Variants in TEX15 observed in about 807,000 individuals in gnomAD.
TEX15 encodes testis expressed 15, meiosis and synapsis associated.
TEX15 carries 171 observed loss-of-function variants against 237.3 expected under a neutral mutation model. That is an observed-to-expected ratio of 0.72 (90% CI 0.64 to 0.82). TEX15 has a LOEUF of 0.82. TEX15 is among the 40% of genes least tolerant of loss of function. TEX15 has a pLI of 0.00. For synonymous variants in TEX15, 1,338 were observed against 1,269.8 expected, an observed-to-expected ratio of 1.05 and a Z score of -1.14; for missense variants, 3,750 against 3,646.5, an observed-to-expected ratio of 1.03 and a Z score of -0.73.
chr8:30,862,461 G>A (rs1585295357), intron 5 of TEX15, among the ~76,000 whole-genome samples: 2 of 152,158 alleles, frequency 1.3e-5, no homozygotes, highest in African/African-American at 4.8e-5. Context: ...ATACCTGCAT[G>A]TCTATATACA....
In TEX15 at chr8:30,894,749, A is replaced by C. The variant is rs76847747; in HGVS notation, c.-10+3993T>G. ...ATTAAAGATAAGAGTTAAAACTATC[A>C]AACTGTTAGAAAACAAAAAACATAA... On this transcript the variant is annotated intron_variant, in intron 2 of 10. Transcript: ENST00000643185. 1.1e-3 allele frequency among the ~76,000 whole-genome samples: 174 copies of C among 152,378 alleles called. 3 individuals carry two copies. The East Asian group carries it at 0.02, about 18-fold the overall frequency.
intron 4 of TEX15, among the ~76,000 whole-genome samples, chr8:30,870,300 T>C (rs1217161366): frequency 1.3e-5 from 2 of 152,076 alleles, no homozygotes; most frequent in Non-Finnish European, 2.9e-5. Context: ...TGTGCTACCA[T>C]ACTGTCTCAT....
In TEX15 at chr8:30,842,920, A is replaced by G; in HGVS notation, c.7247T>C (p.Ile2416Thr). ...TAAAACATTTTCTTCTGTGATAAAA[A>G]TATTATCCATGTTATTATCTTGTAG... ...QMLQDNNMDN[I>T]FITEENVLDV... The change falls in exon 8 of 11, where the codon ATT (isoleucine) becomes ACT (threonine). Residue 2416 changes from isoleucine to threonine, a missense_variant. Physicochemically the swap from Ile to Thr is moderately conservative, Grantham distance 89. Transcript: ENST00000643185. 6.2e-7 allele frequency: 1 copy of G among 1,609,604 alleles called. No homozygotes were observed. Among genetic ancestry groups the G allele is most frequent in the Non-Finnish European group, 8.5e-7 (1 of 1,177,610 alleles).
rs368217917 is a variant in TEX15, at chr8:30,842,223, A to G, written c.7944T>C (p.Ile2648=). The G allele has an allele frequency of 8.7e-6, 14 of 1,612,652 alleles. No homozygotes were observed. In the African/African-American group the frequency reaches 1.7e-4, roughly 20 times the overall value. The stretch of plus-strand genomic sequence containing the variant: ...TTTTTTCTTTTCTCTTCAGCTGTAA[A>G]ATCTTCCTTCTGTTATACAGCATTT... ...LCQMLYNRRK[I]LQLKRKEKMN... is the part of the protein sequence containing the mutation. The change falls in exon 8 of 11, where the codon ATT becomes ATC. Residue 2648 remains isoleucine, a synonymous_variant. Coordinates refer to ENST00000643185, the MANE Select transcript of TEX15 (RefSeq NM_001350162.2).
chr8:30,888,917 A>G (rs1377900191), intron 2 of TEX15, among the ~76,000 whole-genome samples: 1 of 152,178 alleles, frequency 6.6e-6, no homozygotes, highest in Non-Finnish European at 1.5e-5. Flanking sequence ...ATGACAGACA[A>G]TAGTGGGGTA....
chr8:30,905,855 G>A (rs1054565128), intron 1 of TEX15, among the ~76,000 whole-genome samples: 1 of 150,640 alleles, frequency 6.6e-6, no homozygotes, highest in Admixed American at 6.6e-5. Flanking sequence ...AATGAGCCTT[G>A]TGATCATGCC....
rs1339436907 is a variant in TEX15 at position 30,843,064 on chromosome 8, T to G, written c.7103A>C (p.Asp2368Ala). 1 of 1,613,474 alleles carries G rather than the reference T, an allele frequency of 6.2e-7. No homozygotes were observed. The highest frequency in any genetic ancestry group is 2.2e-5 in the East Asian group (1 of 44,830). ...KFNSNLLAHP[D>A]ICCISEILDQ... The stretch of plus-strand genomic sequence containing the variant: ...CAATATCTCACTAATACAACAAATA[T>G]CTGGGTGTGCAAGCAAATTACTGTT... The change falls in exon 8 of 11, where the codon GAT becomes GCT. Residue 2368 changes from aspartate (D) to alanine (A), a missense_variant. Physicochemically the swap from Asp to Ala is moderately radical, Grantham distance 126. Transcript: ENST00000643185.
At chr8:30,912,044 G>A (rs897051632) in intron 1 of TEX15, among the ~76,000 whole-genome samples, 2 of 152,214 alleles carry the variant, frequency 1.3e-5, no homozygotes, top group Admixed American at 6.5e-5. Flanking sequence ...GGGACACGCG[G>A]CACCGCATCC....
Position 30,844,229 on chromosome 8 carries a change from A to G in TEX15, c.5938T>C (p.Tyr1980His). Residue 1980 changes from tyrosine (Y) to histidine (H), a missense_variant, in exon 8 of 11, where the codon TAC (tyrosine) becomes CAC (histidine). Physicochemically the swap from Tyr to His is moderately conservative, Grantham distance 83. Coordinates refer to ENST00000643185, the MANE Select transcript of TEX15 (RefSeq NM_001350162.2). Reference protein sequence around the residue: ...VPTLLKKPASYVSDFKEKHCS... With the variant: ...VPTLLKKPASHVSDFKEKHCS... ...TGTTTTTCTTTAAAATCACTCACGT[A>G]TGACGCAGGTTTCTTCAGAAGAGTA... 1 of 1,612,194 alleles carries G rather than the reference A, an allele frequency of 6.2e-7. No homozygotes were observed.
intron 2 of TEX15, among the ~76,000 whole-genome samples, chr8:30,893,246 G>A (rs1349843949): frequency 6.6e-6 from 1 of 152,114 alleles, no homozygotes; most frequent in African/African-American, 2.4e-5. Flanking sequence ...AGCTAGGAAG[G>A]GCAGAATCTG....
chr8:30,888,566 A>AGCTGGATTTC (rs1808715363), intron 2 of TEX15: 9 of 1,219,602 alleles, frequency 7.4e-6, no homozygotes, highest in Non-Finnish European at 9.7e-6. Flanking sequence ...GTAGAACTCA[A>AGCTGGATTTC]GCTGGATTTC....
Position 30,846,724 on chromosome 8 carries a change from G to A in TEX15, c.3443C>T (p.Thr1148Ile), listed in dbSNP as rs201042879. The change falls in exon 8 of 11, where the codon ACC (threonine) becomes ATC (isoleucine). Residue 1148 changes from threonine to isoleucine, a missense_variant. Physicochemically the swap from Thr to Ile is moderately conservative, Grantham distance 89. Coordinates refer to ENST00000643185, the MANE Select transcript of TEX15 (RefSeq NM_001350162.2). ...TAGATCTGGAAGTAAAATTGGGCTG[G>A]TAAGTTCTGTTTCATTGTTTTGTGT... is the stretch of plus-strand genomic sequence containing the variant. Reference protein sequence around the residue: ...SSTQNNETELTSPILLPDLQI... With the variant: ...SSTQNNETELISPILLPDLQI... The A allele has an allele frequency of 6.2e-7, 1 of 1,613,586 alleles. No homozygotes were observed. The highest frequency in any genetic ancestry group is 1.1e-5 in the South Asian group (1 of 91,002).
intron 6 of TEX15, among the ~76,000 whole-genome samples, chr8:30,859,644 AGTT>A (rs1585293594): frequency 6.6e-6 from 1 of 152,190 alleles, no homozygotes; most frequent in East Asian, 1.9e-4. Context: ...TTAAATGAGA[AGTT>A]GGTATATTTT....
chr8:30,837,863 G>A lies in TEX15; in HGVS notation c.8421C>T (p.His2807=). 1 of 1,614,136 alleles carries A rather than the reference G, an allele frequency of 6.2e-7. No homozygotes were observed. Among genetic ancestry groups the A allele is most frequent in the Non-Finnish European group, 8.5e-7 (1 of 1,180,008 alleles). ...SKIDLTVSSD[H]FSGQQENLNS... ...TTAAATTTTCCTGTTGTCCACTGAA[G>A]TGATCAGATGAAACAGTTAAGTCTA... The change falls in exon 10 of 11, where the codon CAC becomes CAT. Residue 2807 remains histidine (H), a synonymous_variant. Transcript: ENST00000643185.
chr8:30,849,463 A>G (rs1171485828), intron 7 of TEX15, 147 bp from the exon 8 acceptor site: 6 of 505,076 alleles, frequency 1.2e-5, no homozygotes, highest in Non-Finnish European at 2.0e-5. Flanking sequence ...GGAAAAAGCA[A>G]AGAGAGAAGG....
At chr8:30,851,606 T>C (rs954158193) in intron 7 of TEX15, among the ~76,000 whole-genome samples, 3 of 151,564 alleles carry the variant, frequency 2.0e-5, no homozygotes, top group Non-Finnish European at 4.4e-5. Context: ...CACTCCAGCC[T>C]GGGCAACAGA....
At chr8:30,887,130 T>C (rs576212183) in intron 3 of TEX15, 37 bp downstream of exon 3, 19 of 1,498,482 alleles carry the variant, frequency 1.3e-5, no homozygotes, top group African/African-American at 9.8e-5. Flanking sequence ...AATACAGTAA[T>C]AGTTACTAAA....
In TEX15 at chr8:30,847,139, T is replaced by C. The variant is rs774446735; in HGVS notation, c.3028A>G (p.Thr1010Ala). Residue 1010 changes from threonine (T) to alanine (A), a missense_variant, in exon 8 of 11, where the codon ACT becomes GCT. Thr to Ala is a moderately conservative substitution (Grantham distance 58). Transcript: ENST00000643185. ...AAATCTGGACTTTCAGAAGAACAAG[T>C]TTCTTTAAACTGGTATATCTGGTGA... is the stretch of plus-strand genomic sequence containing the variant. ...DDHQIYQFKE[T>A]CSSESPDFGL... The C allele has an allele frequency of 6.2e-7, 1 of 1,613,832 alleles. No homozygotes were observed.
At chr8:30,892,426 T>A (rs1808812986) in intron 2 of TEX15, among the ~76,000 whole-genome samples, 1 of 152,066 alleles carries the variant, frequency 6.6e-6, no homozygotes, top group Non-Finnish European at 1.5e-5. Flanking sequence ...AAAAAACAAA[T>A]CTTGTTCTTC....
Sources: gnomAD v4.1 joint callset for allele counts (sites outside exome capture counted in the v4.1 genomes callset) on GRCh38, gnomAD v4.1.1 for gene constraint, MANE v1.5 for transcripts, NCBI Gene and HGNC (gene_info 2026-07-23, HGNC 2026-07-21) for gene names.